The following IRGQ variants were observed in gnomAD, a reference collection of about 807,000 sequenced individuals.
IRGQ encodes immunity related GTPase Q.
In IRGQ, 5 loss-of-function variants were observed where a neutral mutation model predicts 10.5. The ratio of observed to expected loss-of-function variants is 0.48; its 90% CI spans 0.25 to 1.00. The LOEUF is 1.00. IRGQ is among the 50% of genes least tolerant of loss of function. The pLI is 0.16. For synonymous variants in IRGQ, 418 were observed against 426.0 expected (o/e 0.98, Z 0.23); for missense variants, 792 against 877.7 (o/e 0.90, Z 1.23).
Position 43,584,996 on chromosome 19 carries a change from ACAC to A in IRGQ, c.*7027_*7029del, listed in dbSNP as rs1257830065. Reference sequence around the variant, plus strand: ...CCCATGTAGTTGGGACCACAGGTGCACACCACCACATCTGGCTAATTCTGTTGT... The same window carrying A: ...CCCATGTAGTTGGGACCACAGGTGCACACCACATCTGGCTAATTCTGTTGT... On this transcript the variant is annotated 3_prime_UTR_variant, in exon 3 of 3. Transcript: ENST00000422989. 1 of 152,266 alleles carries A rather than the reference ACAC, an allele frequency of 6.6e-6. No homozygotes were observed. Among genetic ancestry groups the A allele is most frequent in the African/African-American group, 2.4e-5 (1 of 41,398 alleles). The allele number at this position is 152,266 out of a possible 1,614,324, so 9.4% of individuals were successfully genotyped here. A position where few individuals can be genotyped will look rare whatever the true frequency, so the allele number is the denominator to read the frequency against.
In IRGQ at chr19:43,592,776, G is replaced by T; in HGVS notation, c.1122C>A (p.Ser374Arg). 1 of 1,613,620 alleles carries T rather than the reference G, an allele frequency of 6.2e-7. No individual in the cohort carries two copies. ...CGCTGCCTGCTTTCTGCGATCCAGC[G>T]CTACATTTCTCCCTTCCCTTACTGA... ...NALSKGREKC[S>R]AGSQKAGSGE... Residue 374 changes from serine to arginine, a missense_variant, in exon 3 of 3, where the codon AGC (serine) becomes AGA (arginine). Coordinates refer to ENST00000422989, the MANE Select transcript of IRGQ (RefSeq NM_001007561.3).
chr19:43,592,665 G>A lies in IRGQ; in HGVS notation c.1233C>T (p.Ala411=), dbSNP rs200332851. ...TCTCGTCCTCCGGGCTTAACGCAGC[G>A]GCCCGCTCTGAGTCGCCACCACCTG... is the stretch of plus-strand genomic sequence containing the variant. ...KKSGGGDSER[A]AALSPEDETW... The change falls in exon 3 of 3, where the codon GCC becomes GCT. Residue 411 remains alanine, a synonymous_variant. Coordinates refer to ENST00000422989, the MANE Select transcript of IRGQ (RefSeq NM_001007561.3). 1.2e-6 allele frequency: 2 copies of A among 1,606,002 alleles called. No individual in the cohort carries two copies. Among genetic ancestry groups the A allele is most frequent in the Non-Finnish European group, 1.7e-6 (2 of 1,179,938 alleles).
In IRGQ at chr19:43,592,106, GAGCCGCTCGGT is replaced by G; in HGVS notation, c.1781_1791del (p.Tyr594SerfsTer10). The G allele has an allele frequency of 6.2e-7, 1 of 1,612,310 alleles. No homozygotes were observed. Among genetic ancestry groups the G allele is most frequent in the Non-Finnish European group, 8.5e-7 (1 of 1,179,752 alleles). On this transcript the variant is annotated frameshift_variant, in exon 3 of 3. Transcript: ENST00000422989. LOFTEE classifies it high-confidence loss of function. ...TCGAGAGCCTGCAGCAGGACGCCGT[GAGCCGCTCGGT>G]AGCCCAGGCCACCTGTCGCCGCTGC...
Position 43,591,520 on chromosome 19 carries a change from G to A in IRGQ, c.*506C>T, listed in dbSNP as rs1326833867. 6.5e-6 allele frequency: 1 copy of A among 152,988 alleles called. No homozygotes were observed. The highest frequency in any genetic ancestry group is 2.4e-5 in the African/African-American group (1 of 41,452). The allele number at this position is 152,988 out of a possible 1,614,324, so 9.5% of individuals were successfully genotyped here. A position where few individuals can be genotyped will look rare whatever the true frequency, so the allele number is the denominator to read the frequency against. ...CCACCAACTCCCTTCAGGACAGAAG[G>A]GTCTAGATGTCATTCACCATGGTTC... On this transcript the variant is annotated 3_prime_UTR_variant, in exon 3 of 3. Transcript: ENST00000422989.
In IRGQ at chr19:43,591,969, G is replaced by C; in HGVS notation, c.*57C>G. On this transcript the variant is annotated 3_prime_UTR_variant, in exon 3 of 3. Transcript: ENST00000422989. Reference sequence around the variant, plus strand: ...AGTCCACATCCCCTTCAAGCACCCAGGATTAAGCCCAGGCATCCCCTGTCA... The same window carrying C: ...AGTCCACATCCCCTTCAAGCACCCACGATTAAGCCCAGGCATCCCCTGTCA... 1.3e-6 allele frequency: 2 copies of C among 1,521,856 alleles called. No individual in the cohort carries two copies. Among genetic ancestry groups the C allele is most frequent in the Non-Finnish European group, 1.8e-6 (2 of 1,130,620 alleles). The allele number at this position is 1,521,856 out of a possible 1,614,324, so 94.3% of individuals were successfully genotyped here. A position where few individuals can be genotyped will look rare whatever the true frequency, so the allele number is the denominator to read the frequency against.
Position 43,592,547 on chromosome 19 carries a change from G to A in IRGQ, c.1351C>T (p.Pro451Ser). The change falls in exon 3 of 3, where the codon CCC becomes TCC. Residue 451 changes from proline (P) to serine (S), a missense_variant. Transcript: ENST00000422989. ...GLCEWLRRAL[P>S]PAQAGALLLA... ...AGCAGTGCCCCTGCCTGGGCTGGGG[G>A]GAGCGCTCGCCGCAGCCATTCGCAT... The A allele has an allele frequency of 6.3e-7, 1 of 1,596,946 alleles. No individual in the cohort carries two copies. The highest frequency in any genetic ancestry group is 8.5e-7 in the Non-Finnish European group (1 of 1,178,534).
chr19:43,586,880 C>T lies in IRGQ; in HGVS notation c.*5146G>A, dbSNP rs888491664. On this transcript the variant is annotated 3_prime_UTR_variant, in exon 3 of 3. Transcript: ENST00000422989. The stretch of plus-strand genomic sequence containing the variant: ...CCCAAGTCAGTGGAAGGACTATCTG[C>T]CCCTAGAGCTAGACTGATAGAATTT... The T allele has an allele frequency of 6.6e-6, 1 of 152,158 alleles. No individual in the cohort carries two copies. The highest frequency in any genetic ancestry group is 1.5e-5 in the Non-Finnish European group (1 of 68,030). 9.4% of individuals were successfully genotyped at this position (152,158 alleles called of 1,614,324 possible). A position where few individuals can be genotyped will look rare whatever the true frequency, so the allele number is the denominator to read the frequency against.
intron 2 of IRGQ, among the ~76,000 whole-genome samples, chr19:43,594,546 A>C (rs1973103357): frequency 6.6e-6 from 1 of 151,994 alleles, no homozygotes; most frequent in African/African-American, 2.4e-5. Context: ...CTGTCTCAAA[A>C]AAAAAGGCCG....
In IRGQ at chr19:43,593,696, T is replaced by C. The variant is rs1425398720; in HGVS notation, c.531-329A>G. On this transcript the variant is annotated intron_variant, in intron 2 of 2. Transcript: ENST00000422989. The surrounding 1 kb of genome is among the most constrained non-coding windows in gnomAD (Gnocchi z 6.4). ...GCGGGGTTTTTCCAAGGGTCGGCTGTGCTGGGTGGGACAAAGCTCACAGAG... is the reference window on the plus strand; with the variant it reads ...GCGGGGTTTTTCCAAGGGTCGGCTGCGCTGGGTGGGACAAAGCTCACAGAG... Among the ~76,000 whole-genome samples, 3 of 152,150 alleles carry C rather than the reference T, an allele frequency of 2.0e-5. No individual in the cohort carries two copies. The highest frequency in any genetic ancestry group is 4.8e-5 in the African/African-American group (2 of 41,426).
chr19:43,592,920 A>G lies in IRGQ; in HGVS notation c.978T>C (p.Leu326=), dbSNP rs780256674. 9.9e-6 allele frequency: 16 copies of G among 1,612,102 alleles called. 1 individual carries two copies. In the South Asian group the frequency reaches 1.6e-4, roughly 17 times the overall value. ...VQALLLPDAP[L]VCVRTDGEGE... ...CCTCGCCGTCTGTGCGCACGCAGAC[A>G]AGAGGCGCATCTGGTAGCAGCAAGG... Residue 326 remains leucine (L), a synonymous_variant, in exon 3 of 3, where the codon CTT becomes CTC. Transcript: ENST00000422989.
At chr19:43,594,104 G>A (rs968850585) in intron 2 of IRGQ, among the ~76,000 whole-genome samples, 11 of 152,306 alleles carry the variant, frequency 7.2e-5, no homozygotes, top group East Asian at 3.9e-4. Context: ...AGCTCATTGC[G>A]GGTGTGGCTT....
Position 43,593,470 on chromosome 19 carries a change from G to T in IRGQ, c.531-103C>A. 2 of 1,239,368 alleles carry T rather than the reference G, an allele frequency of 1.6e-6. No individual in the cohort carries two copies. Among genetic ancestry groups the T allele is most frequent in the South Asian group, 4.5e-5 (2 of 44,344 alleles). 76.8% of individuals were successfully genotyped at this position (1,239,368 alleles called of 1,614,324 possible). On this transcript the variant is annotated intron_variant, in intron 2 of 2. Coordinates refer to ENST00000422989, the MANE Select transcript of IRGQ (RefSeq NM_001007561.3). The surrounding 1 kb of genome is among the most constrained non-coding windows in gnomAD (Gnocchi z 6.4). ...AGAGCTTTCCTAATGATCCCAGAAT[G>T]GGGCAGGGGTAGGAAAGGGAAGGGC...
rs916688596 is a variant in IRGQ at position 43,587,919 on chromosome 19, A to G, written c.*4107T>C. 1 of 151,974 alleles carries G rather than the reference A, an allele frequency of 6.6e-6. No individual in the cohort carries two copies. The highest frequency in any genetic ancestry group is 1.5e-5 in the Non-Finnish European group (1 of 67,980). The allele number at this position is 151,974 out of a possible 1,614,324, so 9.4% of individuals were successfully genotyped here. On this transcript the variant is annotated 3_prime_UTR_variant, in exon 3 of 3. Coordinates refer to ENST00000422989, the MANE Select transcript of IRGQ (RefSeq NM_001007561.3). ...AAGCACTATCTCAAAAAAAAAAAAAACTAAAAAACCGATGACATGTTGAAA... is the reference window on the plus strand; with the variant it reads ...AAGCACTATCTCAAAAAAAAAAAAAGCTAAAAAACCGATGACATGTTGAAA...
chr19:43,592,954 T>TGGGCCCAGTCCTTCTCAGTGGG lies in IRGQ; in HGVS notation c.922_943dup (p.Gln315ProfsTer3). The TGGGCCCAGTCCTTCTCAGTGGG allele has an allele frequency of 1.9e-6, 3 of 1,610,044 alleles. No individual in the cohort carries two copies. Among genetic ancestry groups the TGGGCCCAGTCCTTCTCAGTGGG allele is most frequent in the Non-Finnish European group, 2.5e-6 (3 of 1,179,986 alleles). On this transcript the variant is annotated stop_gained and frameshift_variant, in exon 3 of 3. Coordinates refer to ENST00000422989, the MANE Select transcript of IRGQ (RefSeq NM_001007561.3). LOFTEE classifies it low-confidence loss of function (END_TRUNC). ...ATCTGGTAGCAGCAAGGCCTGGACC[T>TGGGCCCAGTCCTTCTCAGTGGG]GGGCCCAGTCCTTCTCAGTGGGGGC...
rs923871621 is a variant in IRGQ at position 43,594,927 on chromosome 19, C to T, written c.412G>A (p.Ala138Thr). The change falls in exon 2 of 3, where the codon GCG becomes ACG. Residue 138 changes from alanine (A) to threonine (T), a missense_variant. By Grantham distance (58) the Ala-to-Thr change is moderately conservative. Transcript: ENST00000422989. ...AACAGATCCGCAGCTCCTAACCCCG[C>T]GCTGTTCAGCAGAGCTGCTGTCTGA... Reference protein sequence around the residue: ...RDQTAALLNSAGLGAADLFVL... With the variant: ...RDQTAALLNSTGLGAADLFVL... The T allele has an allele frequency of 1.9e-6, 3 of 1,614,068 alleles. No homozygotes were observed.
chr19:43,594,673 A>G (rs972814588), intron 2 of IRGQ, 136 bp downstream of exon 2: 62 of 429,318 alleles, frequency 1.4e-4, no homozygotes, highest in Non-Finnish European at 2.0e-4. Flanking sequence ...GTCTCTCAGG[A>G]AAAAAAAAAA....
At position 43,592,552 on chromosome 19, in the gene IRGQ, G is replaced by A. The variant is rs201979651; in HGVS notation, c.1346C>T (p.Ala449Val). ...TGCCCCTGCCTGGGCTGGGGGGAGC[G>A]CTCGCCGCAGCCATTCGCATAGCCC... ...LPGLCEWLRRALPPAQAGALL... is the reference protein window; with the variant it reads ...LPGLCEWLRRVLPPAQAGALL... The change falls in exon 3 of 3, where the codon GCG (alanine) becomes GTG (valine). Residue 449 changes from alanine to valine, a missense_variant. Coordinates refer to ENST00000422989, the MANE Select transcript of IRGQ (RefSeq NM_001007561.3). 2.5e-6 allele frequency: 4 copies of A among 1,596,844 alleles called. No individual in the cohort carries two copies. The South Asian group carries it at 3.3e-5, about 13-fold the overall frequency.
chr19:43,594,937 C>T lies in IRGQ; in HGVS notation c.402G>A (p.Leu134=). 1 of 1,614,076 alleles carries T rather than the reference C, an allele frequency of 6.2e-7. No individual in the cohort carries two copies. The highest frequency in any genetic ancestry group is 1.6e-4 in the Middle Eastern group (1 of 6,062). ...CAGCTCCTAACCCCGCGCTGTTCAGCAGAGCTGCTGTCTGATCACGGGCCT... is the reference window on the plus strand; with the variant it reads ...CAGCTCCTAACCCCGCGCTGTTCAGTAGAGCTGCTGTCTGATCACGGGCCT... ...AAQARDQTAA[L]LNSAGLGAAD... Residue 134 remains leucine, a synonymous_variant, in exon 2 of 3, where the codon CTG becomes CTA. Transcript: ENST00000422989.
In IRGQ at chr19:43,595,190, C is replaced by G; in HGVS notation, c.149G>C (p.Arg50Thr). Residue 50 changes from arginine (R) to threonine (T), a missense_variant, in exon 2 of 3, where the codon AGA becomes ACA. By Grantham distance (71) the Arg-to-Thr change is moderately conservative. Transcript: ENST00000422989. ...CAGAAAAAGGCCTGGGCCCGCAGCT[C>G]TTAGGCTGGGAACCCCGGAGTCCGG... ...GRPDSGVPSL[R>T]AAGPGLFLGE... 1 of 1,611,918 alleles carries G rather than the reference C, an allele frequency of 6.2e-7. No individual in the cohort carries two copies. The highest frequency in any genetic ancestry group is 8.5e-7 in the Non-Finnish European group (1 of 1,179,506).
Sources: gnomAD v4.1 joint callset for allele counts (sites outside exome capture counted in the v4.1 genomes callset) on GRCh38, gnomAD v4.1.1 for gene constraint, Gnocchi (gnomAD v3.1) non-coding constraint, MANE v1.5 for transcripts, NCBI Gene and HGNC (gene_info 2026-07-23, HGNC 2026-07-21) for gene names.